The following NUDCD2 variants were observed in gnomAD, a reference collection of about 807,000 sequenced individuals.
The protein encoded by NUDCD2 is NudC domain containing 2.
Under a neutral mutation model 20.8 loss-of-function variants are expected in NUDCD2, and 16 were observed. The ratio of observed to expected loss-of-function variants is 0.77; its 90% CI spans 0.52 to 1.17. The LOEUF is 1.17. NUDCD2 is among the 50% of genes most tolerant of loss of function. The pLI is 0.00. For synonymous variants in NUDCD2, 87 were observed against 72.8 expected, an observed-to-expected ratio of 1.20 and a Z score of -1.00; for missense variants, 199 against 193.9, an observed-to-expected ratio of 1.03 and a Z score of -0.16.
Position 163,460,043 on chromosome 5 carries a change from G to A in NUDCD2, c.8C>T (p.Ala3Val), listed in dbSNP as rs1581182198. 1.9e-6 allele frequency: 3 copies of A among 1,589,266 alleles called. No homozygotes were observed. The highest frequency in any genetic ancestry group is 2.3e-5 in the East Asian group (1 of 44,026). Residue 3 changes from alanine (A) to valine (V), a missense_variant, in exon 1 of 4, where the codon GCC becomes GTC. Ala to Val is a moderately conservative substitution (Grantham distance 64). Transcript: ENST00000302764. MS[A>V]PFEERSGVVP... ...CACCCCACTCCGCTCCTCAAACGGG[G>A]CCGACATAATCCAGTCCCTCCCGGC...
In NUDCD2 at chr5:163,459,936, G is replaced by C. The variant is rs1309319072; in HGVS notation, c.115C>G (p.Arg39Gly). Residue 39 changes from arginine to glycine, a missense_variant, in exon 1 of 4, where the codon CGC becomes GGC. Arg to Gly is a moderately radical substitution (Grantham distance 125). Coordinates refer to ENST00000302764, the MANE Select transcript of NUDCD2 (RefSeq NM_145266.6). Reference sequence around the variant, plus strand: ...AGGCCGCACTGGATATCCTGGGCGCGCGTGCCTGGCGGCACCTGAACTTCA... The same window carrying C: ...AGGCCGCACTGGATATCCTGGGCGCCCGTGCCTGGCGGCACCTGAACTTCA... ...FIEVQVPPGTRAQDIQCGLQS... is the reference protein window; with the variant it reads ...FIEVQVPPGTGAQDIQCGLQS... 1.2e-6 allele frequency: 2 copies of C among 1,613,190 alleles called. No homozygotes were observed. Among genetic ancestry groups the C allele is most frequent in the Admixed American group, 1.7e-5 (1 of 59,968 alleles).
In NUDCD2 at chr5:163,451,961, G is replaced by C. The variant is rs1758189114; in HGVS notation, c.*2006C>G. 2 of 152,284 alleles carry C rather than the reference G, an allele frequency of 1.3e-5. No homozygotes were observed. Among genetic ancestry groups the C allele is most frequent in the South Asian group, 4.1e-4 (2 of 4,826 alleles). 9.4% of individuals were successfully genotyped at this position (152,284 alleles called of 1,614,324 possible). A position where few individuals can be genotyped will look rare whatever the true frequency, so the allele number is the denominator to read the frequency against. On this transcript the variant is annotated 3_prime_UTR_variant, in exon 4 of 4. Coordinates refer to ENST00000302764, the MANE Select transcript of NUDCD2 (RefSeq NM_145266.6). ...CCAGCTACTTGGGAGGCTGAGGCAG[G>C]AGAATCGCTTGAACCCAGGAGGCGG...
rs770907730 is a variant in NUDCD2 at position 163,460,022 on chromosome 5, C to T, written c.29G>A (p.Gly10Glu). The T allele has an allele frequency of 5.1e-5, 82 of 1,601,066 alleles. No homozygotes were observed. The highest frequency in any genetic ancestry group is 6.3e-5 in the Non-Finnish European group (74 of 1,174,838). ...CCACGGGGTCCCGCACGGTACCACC[C>T]CACTCCGCTCCTCAAACGGGGCCGA... MSAPFEERS[G>E]VVPCGTPWGQ... The change falls in exon 1 of 4, where the codon GGG becomes GAG. Residue 10 changes from glycine to glutamate, a missense_variant. Coordinates refer to ENST00000302764, the MANE Select transcript of NUDCD2 (RefSeq NM_145266.6).
intron 3 of NUDCD2, among the ~76,000 whole-genome samples, chr5:163,455,647 C>T (rs1758285733): frequency 6.6e-6 from 1 of 151,968 alleles, no homozygotes; most frequent in African/African-American, 2.4e-5. Flanking sequence ...GCCTACAGTC[C>T]CAGCTACTCG....
chr5:163,454,268 G>A (rs1281655332), intron 3 of NUDCD2, among the ~76,000 whole-genome samples: 1 of 152,104 alleles, frequency 6.6e-6, no homozygotes, highest in Non-Finnish European at 1.5e-5. Context: ...CTACAATGTT[G>A]GCAAGTGTAT....
At chr5:163,456,852 G>T in intron 3 of NUDCD2, 77 bp downstream of exon 3, 1 of 1,024,402 alleles carries the variant, frequency 9.8e-7, no homozygotes, top group South Asian at 2.9e-5. Context: ...AATGACATTT[G>T]AGTTTTAATT....
chr5:163,454,091 A>G (rs879881994), intron 3 of NUDCD2, 41 bp from the exon 4 acceptor site: 16 of 1,075,124 alleles, frequency 1.5e-5, no homozygotes, highest in Non-Finnish European at 2.1e-5. Flanking sequence ...TAAAACTTAT[A>G]AGGAAAAATA....
intron 3 of NUDCD2, among the ~76,000 whole-genome samples, chr5:163,456,057 T>C (rs1346454496): frequency 1.4e-4 from 22 of 152,132 alleles, no homozygotes; most frequent in Admixed American, 1.2e-3. Flanking sequence ...AAAACAAATA[T>C]GGAAGGATGT....
Position 163,450,937 on chromosome 5 carries a change from A to G in NUDCD2, c.*3030T>C, listed in dbSNP as rs1197423569. 1 of 152,266 alleles carries G rather than the reference A, an allele frequency of 6.6e-6. No homozygotes were observed. Among genetic ancestry groups the G allele is most frequent in the East Asian group, 1.9e-4 (1 of 5,202 alleles). 9.4% of individuals were successfully genotyped at this position (152,266 alleles called of 1,614,324 possible). On this transcript the variant is annotated 3_prime_UTR_variant, in exon 4 of 4. Transcript: ENST00000302764. Reference sequence around the variant, plus strand: ...AATGTATAAACAAAGTGCTACAGCCATACAATGAAGTATTTTCAGACATAC... The same window carrying G: ...AATGTATAAACAAAGTGCTACAGCCGTACAATGAAGTATTTTCAGACATAC...
Position 163,450,863 on chromosome 5 carries a change from T to C in NUDCD2, c.*3104A>G, listed in dbSNP as rs1431113988. 1.3e-5 allele frequency: 2 copies of C among 152,238 alleles called. No homozygotes were observed. The highest frequency in any genetic ancestry group is 2.9e-5 in the Non-Finnish European group (2 of 68,048). 9.4% of individuals were successfully genotyped at this position (152,238 alleles called of 1,614,324 possible). ...AGACTTGTACACGTTTATAGCAGCT[T>C]TAGTCAGGACAGCCAAAGGGTGGAA... On this transcript the variant is annotated 3_prime_UTR_variant, in exon 4 of 4. Transcript: ENST00000302764.
Position 163,450,067 on chromosome 5 carries a change from A to G in NUDCD2, c.*3900T>C, listed in dbSNP as rs10053701. The G allele has an allele frequency of 0.087, 13,213 of 152,044 alleles. 762 individuals carry two copies. Among genetic ancestry groups the G allele is most frequent in the African/African-American group, 0.18 (7,410 of 41,418 alleles). The allele number at this position is 152,044 out of a possible 1,614,324, so 9.4% of individuals were successfully genotyped here. A position where few individuals can be genotyped will look rare whatever the true frequency, so the allele number is the denominator to read the frequency against. On this transcript the variant is annotated 3_prime_UTR_variant, in exon 4 of 4. Coordinates refer to ENST00000302764, the MANE Select transcript of NUDCD2 (RefSeq NM_145266.6). ...TCAGTTCAAGACCAGCCTAGCCTAT[A>G]TGGTGAAATCCCAACTCTACTAAAA...
rs1758453215 is a variant in NUDCD2 at position 163,460,074 on chromosome 5, C to G, written c.-24G>C. On this transcript the variant is annotated 5_prime_UTR_variant, in exon 1 of 4. Coordinates refer to ENST00000302764, the MANE Select transcript of NUDCD2 (RefSeq NM_145266.6). ...ATAATCCAGTCCCTCCCGGCCGCGG[C>G]CGCACCAGGCGGAGCCGAGCGCACG... The G allele has an allele frequency of 6.6e-7, 1 of 1,523,838 alleles. No homozygotes were observed. The highest frequency in any genetic ancestry group is 2.2e-5 in the Admixed American group (1 of 44,720). The allele number at this position is 1,523,838 out of a possible 1,614,324, so 94.4% of individuals were successfully genotyped here.
chr5:163,460,080 C>G lies in NUDCD2; in HGVS notation c.-30G>C, dbSNP rs747475124. The G allele has an allele frequency of 4.0e-6, 6 of 1,511,634 alleles. No homozygotes were observed. The highest frequency in any genetic ancestry group is 1.3e-5 in the South Asian group (1 of 77,174). 93.6% of individuals were successfully genotyped at this position (1,511,634 alleles called of 1,614,324 possible). A position where few individuals can be genotyped will look rare whatever the true frequency, so the allele number is the denominator to read the frequency against. On this transcript the variant is annotated 5_prime_UTR_variant, in exon 1 of 4. Transcript: ENST00000302764. ...CAGTCCCTCCCGGCCGCGGCCGCACCAGGCGGAGCCGAGCGCACGCGCGGA... is the reference window on the plus strand; with the variant it reads ...CAGTCCCTCCCGGCCGCGGCCGCACGAGGCGGAGCCGAGCGCACGCGCGGA...
intron 3 of NUDCD2, 101 bp downstream of exon 3, chr5:163,456,824 ATGTT>A (rs1758323302): frequency 3.4e-6 from 3 of 891,128 alleles, no homozygotes; most frequent in Admixed American, 3.3e-5. Context: ...CTTCTAGAAA[ATGTT>A]TGTAACTTTT....
Position 163,459,808 on chromosome 5 carries a change from G to A in NUDCD2, c.189+54C>T, listed in dbSNP as rs1758432676. 2.7e-6 allele frequency: 4 copies of A among 1,495,034 alleles called. No individual in the cohort carries two copies. The South Asian group carries it at 3.8e-5, about 14-fold the overall frequency. 92.6% of individuals were successfully genotyped at this position (1,495,034 alleles called of 1,614,324 possible). On this transcript the variant is annotated intron_variant, in intron 1 of 3. Transcript: ENST00000302764. ...ACCCAACAGTCGTTCAGGGAAACGGGGCTGGGGGCGTCTGGGAAGAGGAAA... is the reference window on the plus strand; with the variant it reads ...ACCCAACAGTCGTTCAGGGAAACGGAGCTGGGGGCGTCTGGGAAGAGGAAA...
At chr5:163,458,947 T>TATATATA (rs1401553426) in intron 1 of NUDCD2, 34 of 152,204 alleles carry the variant, frequency 2.2e-4, no homozygotes, top group African/African-American at 8.0e-4. Flanking sequence ...TATACTGTAA[T>TATATATA]ATATATAATA....
rs1758358870 is a variant in NUDCD2, at chr5:163,457,690, T to A, written c.190-80A>T. 21 of 871,718 alleles carry A rather than the reference T, an allele frequency of 2.4e-5. No homozygotes were observed. The South Asian group carries it at 2.8e-4, about 12-fold the overall frequency. 54.0% of individuals were successfully genotyped at this position (871,718 alleles called of 1,614,324 possible). On this transcript the variant is annotated intron_variant, in intron 1 of 3. Transcript: ENST00000302764. ...TTTCATGATTAAGATTTACCTACTT[T>A]CCTACCTAATCCACATCTTATACCA... is the stretch of plus-strand genomic sequence containing the variant.
At chr5:163,455,120 G>A (rs1281391235) in intron 3 of NUDCD2, among the ~76,000 whole-genome samples, 3 of 151,302 alleles carry the variant, frequency 2.0e-5, no homozygotes, top group Non-Finnish European at 2.9e-5. Flanking sequence ...CGCTGATGTC[G>A]TGTTAAAAGT....
intron 2 of NUDCD2, 150 bp downstream of exon 2, chr5:163,457,412 A>G (rs1697542275): frequency 3.3e-6 from 2 of 607,236 alleles, no homozygotes; most frequent in South Asian, 4.6e-5. Flanking sequence ...TTCTCCCCCC[A>G]CTAGGTAACT....
Sources: gnomAD v4.1 joint callset for allele counts (sites outside exome capture counted in the v4.1 genomes callset) on GRCh38, gnomAD v4.1.1 for gene constraint, MANE v1.5 for transcripts, NCBI Gene and HGNC (gene_info 2026-07-23, HGNC 2026-07-21) for gene names.